Variants in RYR2 observed in about 807,000 individuals in gnomAD.
RYR2 encodes the protein cardiac muscle ryanodine receptor-calcium release channel.
Under a neutral mutation model 601.1 loss-of-function variants are expected in RYR2, and 227 were observed. The observed-to-expected ratio is 0.38, with a 90% CI of 0.34 to 0.42. RYR2 has a LOEUF of 0.42. Among genes scored for constraint, RYR2 ranks in the 10% least tolerant of loss-of-function variants. The pLI is 1.00. For missense variants in RYR2, 4,646 were observed against 6,156.5 expected (o/e 0.75, Z 8.21); for synonymous variants, 2,223 against 2,175.1 (o/e 1.02, Z -0.61).
At chr1:237,047,846 T>C (rs962866430) in intron 1 of RYR2, among the ~76,000 whole-genome samples, 16 of 152,228 alleles carry the variant, frequency 1.1e-4, no homozygotes, top group African/African-American at 2.9e-4. Context: ...TTCTGGCTCT[T>C]CTGCCTTCAT....
intron 79 of RYR2, among the ~76,000 whole-genome samples, chr1:237,737,420 C>T (rs1424327426): frequency 6.6e-6 from 1 of 152,204 alleles, no homozygotes; most frequent in Non-Finnish European, 1.5e-5. Flanking sequence ...CCAGTTACGA[C>T]CTCACCTGCG....
chr1:237,798,207 T>C, intron 97 of RYR2, 37 bp downstream of exon 97: 1 of 1,575,758 alleles, frequency 6.3e-7, no homozygotes, highest in Non-Finnish European at 8.6e-7. Context: ...CAGACTTAGA[T>C]TGAAAGGGGA....
At chr1:237,489,870 G>A (rs1327299177) in intron 17 of RYR2, among the ~76,000 whole-genome samples, 1 of 152,150 alleles carries the variant, frequency 6.6e-6, no homozygotes, top group Non-Finnish European at 1.5e-5. Flanking sequence ...CAAGAGCAAA[G>A]ACATGTCATC....
At chr1:237,045,755 A>G (rs1317471341) in intron 1 of RYR2, among the ~76,000 whole-genome samples, 3 of 143,962 alleles carry the variant, frequency 2.1e-5, no homozygotes, top group Non-Finnish European at 4.5e-5. Context: ...AAAAACACGC[A>G]TCTTTTTCGT....
chr1:237,271,446 G>A (rs1463149958), intron 2 of RYR2, among the ~76,000 whole-genome samples: 1 of 152,026 alleles, frequency 6.6e-6, no homozygotes, highest in African/African-American at 2.4e-5. Flanking sequence ...CCTAATTGTG[G>A]ATATTTACTG....
intron 2 of RYR2, among the ~76,000 whole-genome samples, chr1:237,308,698 A>T (rs887288877): frequency 6.6e-6 from 1 of 152,206 alleles, no homozygotes; most frequent in Admixed American, 6.5e-5. Flanking sequence ...TACAGCTCAT[A>T]AAAGCAGTGC....
intron 56 of RYR2, among the ~76,000 whole-genome samples, chr1:237,665,551 G>T (rs140946076): frequency 6.6e-6 from 1 of 152,124 alleles, no homozygotes; most frequent in Non-Finnish European, 1.5e-5. Context: ...TAGATAAAAC[G>T]GGATGCTCAA....
At chr1:237,648,933 T>C (rs571952101) in intron 49 of RYR2, among the ~76,000 whole-genome samples, 1 of 152,364 alleles carries the variant, frequency 6.6e-6, no homozygotes, top group African/African-American at 2.4e-5. Context: ...CCTGTTAACC[T>C]CTGTTCAGTA....
intron 100 of RYR2, among the ~76,000 whole-genome samples, chr1:237,814,618 T>C (rs1346296746): frequency 6.6e-6 from 1 of 151,962 alleles, no homozygotes; most frequent in East Asian, 1.9e-4. Context: ...AGCAGTATCC[T>C]GATAGAATTT....
chr1:237,377,538 CT>C, intron 8 of RYR2, 103 bp downstream of exon 8: 1 of 828,400 alleles, frequency 1.2e-6, no homozygotes, highest in Non-Finnish European at 1.9e-6. Context: ...ATGAAAATTG[CT>C]TATAACCATT....
chr1:237,450,354 G>C (rs941094490), intron 14 of RYR2, among the ~76,000 whole-genome samples: 5 of 152,086 alleles, frequency 3.3e-5, no homozygotes, highest in African/African-American at 9.7e-5. Flanking sequence ...AGACTGTCAG[G>C]CCACACCTGG....
At chr1:237,744,175 C>G (rs1915780) in intron 80 of RYR2, among the ~76,000 whole-genome samples, 46,923 of 151,870 alleles carry the variant, frequency 0.31, 7,749 homozygotes, top group East Asian at 0.68. Context: ...ATTTTGAATA[C>G]TGGGAACATT....
At chr1:237,687,384 TAATTTCCCCCTGTCTTTTC>T in intron 62 of RYR2, 52 bp from the exon 63 acceptor site, 1 of 656,894 alleles carries the variant, frequency 1.5e-6, no homozygotes. Flanking sequence ...TTTTTTTTTT[TAATTTCCCCCTGTCTTTTC>T]TACCTTCCCT....
In RYR2 at chr1:237,548,496, C is replaced by G; in HGVS notation, c.2972C>G (p.Ser991Ter). ...MDLSFIKLTP[S>*]QEAMVDKLAE... ...CTGAGCTTTATCAAACTCACCCCATCACAAGAAGCAATGGTGGACAAGTTG... is the reference window on the plus strand; with the variant it reads ...CTGAGCTTTATCAAACTCACCCCATGACAAGAAGCAATGGTGGACAAGTTG... Residue 991 changes from serine to a stop codon, truncating the protein, a stop_gained, in exon 26 of 105, where the codon TCA becomes TGA. Coordinates refer to ENST00000366574, the MANE Select transcript of RYR2 (RefSeq NM_001035.3). LOFTEE classifies it high-confidence loss of function. The G allele has an allele frequency of 6.2e-7, 1 of 1,613,902 alleles. No homozygotes were observed. Among genetic ancestry groups the G allele is most frequent in the East Asian group, 2.2e-5 (1 of 44,882 alleles).
At chr1:237,566,024 T>C (rs1218725642) in intron 27 of RYR2, among the ~76,000 whole-genome samples, 1 of 152,204 alleles carries the variant, frequency 6.6e-6, no homozygotes, top group Admixed American at 6.5e-5. Flanking sequence ...TTGCATCACA[T>C]TTGAGTTCCT....
chr1:237,113,267 C>T (rs1047032452), intron 1 of RYR2, among the ~76,000 whole-genome samples: 3 of 151,930 alleles, frequency 2.0e-5, no homozygotes, highest in Admixed American at 6.6e-5. Context: ...GGCATGATCT[C>T]GGCTCACTGT....
intron 1 of RYR2, among the ~76,000 whole-genome samples, chr1:237,159,295 AAATAAT>A (rs756404279): frequency 9.2e-5 from 14 of 151,948 alleles, no homozygotes; most frequent in Admixed American, 8.5e-4. Context: ...CCATCTCAAA[AAATAAT>A]AATAATAATA....
At chr1:237,695,531 T>A (rs1203002306) in intron 63 of RYR2, among the ~76,000 whole-genome samples, 1 of 152,206 alleles carries the variant, frequency 6.6e-6, no homozygotes, top group Non-Finnish European at 1.5e-5. Flanking sequence ...CTTAAGTACA[T>A]AAAAATCCAG....
intron 29 of RYR2, among the ~76,000 whole-genome samples, chr1:237,570,669 T>A (rs1194197339): frequency 6.6e-6 from 1 of 152,144 alleles, no homozygotes; most frequent in Non-Finnish European, 1.5e-5. Context: ...ATTGAGTTTC[T>A]TAGTCACATT....
Sources: gnomAD v4.1 joint callset for allele counts (sites outside exome capture counted in the v4.1 genomes callset) on GRCh38, gnomAD v4.1.1 for gene constraint, MANE v1.5 for transcripts, NCBI Gene and HGNC (gene_info 2026-07-23, HGNC 2026-07-21) for gene names.